CACNA2D3: variants seen among roughly 807,000 people sequenced by gnomAD.
CACNA2D3 encodes voltage-dependent calcium channel subunit alpha-2/delta-3.
Under a neutral mutation model 160.6 loss-of-function variants are expected in CACNA2D3, and 60 were observed. The observed-to-expected ratio is 0.37, with a 90% confidence interval of 0.30 to 0.46. CACNA2D3 has a LOEUF of 0.46. Among genes scored for constraint, CACNA2D3 ranks in the 20% least tolerant of loss-of-function variants. The pLI is 1.00. For synonymous variants in CACNA2D3, 558 were observed against 492.9 expected, an observed-to-expected ratio of 1.13 and a Z score of -1.75; for missense variants, 1,205 against 1,365.0, an observed-to-expected ratio of 0.88 and a Z score of 1.85.
At chr3:54,185,392 T>C (rs1244724042) in intron 2 of CACNA2D3, among the ~76,000 whole-genome samples, 3 of 152,204 alleles carry the variant, frequency 2.0e-5, no homozygotes, top group Non-Finnish European at 2.9e-5. Flanking sequence ...TAAGGGCTCT[T>C]AGAAGTCCTT....
intron 2 of CACNA2D3, among the ~76,000 whole-genome samples, chr3:54,242,269 AAAACAAAAAC>A (rs1462685832): frequency 2.4e-5 from 2 of 81,756 alleles, no homozygotes; most frequent in Non-Finnish European, 5.1e-5. Flanking sequence ...AAAAATACAA[AAAACAAAAAC>A]AAACAAACAA....
intron 11 of CACNA2D3, among the ~76,000 whole-genome samples, chr3:54,653,436 T>C (rs1482122589): frequency 1.3e-5 from 2 of 152,230 alleles, no homozygotes; most frequent in African/African-American, 4.8e-5. Flanking sequence ...GAGTCATTGC[T>C]GTGTTTCTTC....
At chr3:55,049,966 G>A (rs949732697) in intron 35 of CACNA2D3, among the ~76,000 whole-genome samples, 9 of 149,984 alleles carry the variant, frequency 6.0e-5, no homozygotes, top group African/African-American at 1.2e-4. Flanking sequence ...TTAGATCTTC[G>A]TCCATCCTTT....
chr3:54,463,818 C>G (rs2106851495), intron 4 of CACNA2D3, among the ~76,000 whole-genome samples: 1 of 152,320 alleles, frequency 6.6e-6, no homozygotes, highest in African/African-American at 2.4e-5. Flanking sequence ...TGGTGAGGAA[C>G]TGCGTTCTTT....
intron 27 of CACNA2D3, among the ~76,000 whole-genome samples, chr3:54,927,588 ATTCT>A (rs1277051083): frequency 2.6e-5 from 4 of 152,136 alleles, no homozygotes; most frequent in African/African-American, 7.2e-5. Flanking sequence ...CAATTTGTTC[ATTCT>A]TTCTTTGGTT....
intron 6 of CACNA2D3, among the ~76,000 whole-genome samples, chr3:54,565,186 T>A (rs1252978378): frequency 6.6e-6 from 1 of 152,100 alleles, no homozygotes; most frequent in East Asian, 1.9e-4. Flanking sequence ...TGGGAACTAG[T>A]CAGGATTATT....
intron 11 of CACNA2D3, among the ~76,000 whole-genome samples, chr3:54,697,063 G>A (rs1176463664): frequency 6.6e-6 from 1 of 152,138 alleles, no homozygotes; most frequent in African/African-American, 2.4e-5. Context: ...GATCACTTGA[G>A]CTCAGGAGTT....
At chr3:54,544,681 A>G (rs1014841793) in intron 5 of CACNA2D3, among the ~76,000 whole-genome samples, 1 of 152,124 alleles carries the variant, frequency 6.6e-6, no homozygotes, top group African/African-American at 2.4e-5. Flanking sequence ...TACAGGCATG[A>G]GCCACCATGC....
chr3:54,469,764 A>G (rs1414827444), intron 4 of CACNA2D3, among the ~76,000 whole-genome samples: 1 of 152,020 alleles, frequency 6.6e-6, no homozygotes. Flanking sequence ...AAAACACAGC[A>G]CGAGAACTTC....
intron 2 of CACNA2D3, among the ~76,000 whole-genome samples, chr3:54,271,007 G>A (rs1702612147): frequency 6.6e-6 from 1 of 152,206 alleles, no homozygotes; most frequent in Admixed American, 6.5e-5. Context: ...TCCAAGAGAT[G>A]TTGGAAGGAG....
chr3:54,642,237 G>T lies in CACNA2D3; in HGVS notation c.1163G>T (p.Arg388Leu). Residue 388 changes from arginine to leucine, a missense_variant, in exon 11 of 38, where the codon CGA (arginine) becomes CTA (leucine). Physicochemically the swap from Arg to Leu is moderately radical, Grantham distance 102. Around this residue, in one of 3 missense-constraint regions of CACNA2D3, gnomAD observed 911 missense variants for 1,002.2 expected, o/e 0.91. Transcript: ENST00000474759. ...TIFAKYNWPD[R>L]KVRIFTYLIG... The stretch of plus-strand genomic sequence containing the variant: ...TTTGCAAAATACAATTGGCCAGATC[G>T]AAAGGTAAGTTGATGCTGATCCCGT... The T allele has an allele frequency of 6.2e-7, 1 of 1,601,302 alleles. No individual in the cohort carries two copies. The highest frequency in any genetic ancestry group is 8.5e-7 in the Non-Finnish European group (1 of 1,170,780).
intron 13 of CACNA2D3, among the ~76,000 whole-genome samples, chr3:54,805,955 A>G (rs1703110389): frequency 1.3e-5 from 2 of 152,312 alleles, no homozygotes; most frequent in South Asian, 2.1e-4. Flanking sequence ...CAAAAACCAC[A>G]TGATTATCTC....
rs760860389 is a variant in CACNA2D3, at chr3:55,073,829, C to T, written c.3153C>T (p.Arg1051=). 1.9e-6 allele frequency: 3 copies of T among 1,613,614 alleles called. No homozygotes were observed. Among genetic ancestry groups the T allele is most frequent in the Admixed American group, 3.3e-5 (2 of 59,990 alleles). The change falls in exon 37 of 38, where the codon CGC becomes CGT. Residue 1051 remains arginine, a synonymous_variant. Coordinates refer to ENST00000474759, the MANE Select transcript of CACNA2D3 (RefSeq NM_018398.3). ...TAAAGGCCCAGAAGATCAGAAGGCG[C>T]CCAGAATCTTGTCATGGCTTCCATC... The part of the protein sequence containing the change: ...ERLKAQKIRR[R]PESCHGFHPE...
intron 5 of CACNA2D3, among the ~76,000 whole-genome samples, chr3:54,523,808 T>C (rs1265292363): frequency 6.6e-6 from 1 of 152,104 alleles, no homozygotes; most frequent in East Asian, 1.9e-4. Flanking sequence ...GTTTATAGTG[T>C]TCCTTTATAA....
At chr3:54,807,199 C>G (rs1000886142) in intron 13 of CACNA2D3, among the ~76,000 whole-genome samples, 1 of 152,148 alleles carries the variant, frequency 6.6e-6, no homozygotes, top group Non-Finnish European at 1.5e-5. Context: ...ACAAAATTGA[C>G]AAATGGGATC....
intron 4 of CACNA2D3, among the ~76,000 whole-genome samples, chr3:54,466,004 A>G (rs989953276): frequency 6.6e-6 from 1 of 152,096 alleles, no homozygotes; most frequent in African/African-American, 2.4e-5. Flanking sequence ...TGTCCCTTGC[A>G]TGTGGTCCCC....
chr3:54,317,473 T>A (rs1703888314), intron 2 of CACNA2D3, among the ~76,000 whole-genome samples: 1 of 152,090 alleles, frequency 6.6e-6, no homozygotes, highest in Non-Finnish European at 1.5e-5. Context: ...TGCTTCATCA[T>A]CCCATGGCAG....
intron 33 of CACNA2D3, among the ~76,000 whole-genome samples, chr3:55,008,885 C>CCACACACGCACA (rs1559462256): frequency 6.5e-4 from 36 of 55,132 alleles, no homozygotes; most frequent in African/African-American, 2.3e-3. Context: ...CCACCTCCCT[C>CCACACACGCACA]TATACACACA....
chr3:54,937,840 G>A (rs968010678), intron 27 of CACNA2D3, among the ~76,000 whole-genome samples: 1 of 152,120 alleles, frequency 6.6e-6, no homozygotes, highest in Non-Finnish European at 1.5e-5. Context: ...CAGCACAGAG[G>A]GTGAGGAAGG....
Sources: gnomAD v4.1 joint callset for allele counts (sites outside exome capture counted in the v4.1 genomes callset) on GRCh38, gnomAD v4.1.1 for gene constraint, gnomAD v4.1.1 regional missense constraint, MANE v1.5 for transcripts, NCBI Gene and HGNC (gene_info 2026-07-23, HGNC 2026-07-21) for gene names.